Variants in IGSF10 observed in about 807,000 individuals in gnomAD.
The protein encoded by IGSF10 is calvaria mechanical force protein 608.
A neutral mutation model predicts 128.2 loss-of-function variants in IGSF10; 126 were observed. That is an observed-to-expected ratio of 0.98 (90% confidence interval 0.85 to 1.14). IGSF10 has a LOEUF of 1.14. Among genes scored for constraint, IGSF10 ranks in the 50% most tolerant of loss-of-function variants. The pLI is 0.00. For synonymous variants in IGSF10, 1,185 were observed against 1,146.2 expected (o/e 1.03, Z -0.68); for missense variants, 3,295 against 3,149.8 (o/e 1.05, Z -1.10).
In IGSF10 at chr3:151,449,246, T is replaced by G. The variant is rs780197057; in HGVS notation, c.735A>C (p.Lys245Asn). The part of the protein sequence containing the change: ...QEKPDVIKCK[K>N]DRSPSSAQQC... The stretch of plus-strand genomic sequence containing the variant: ...GCTGAGCACTAGAGGGACTTCTATC[T>G]TTTTTGCATTTTATTACATCTGGAA... The change falls in exon 6 of 8, where the codon AAA becomes AAC. Residue 245 changes from lysine to asparagine, a missense_variant. By Grantham distance (94) the Lys-to-Asn change is moderately conservative. Coordinates refer to ENST00000282466, the MANE Select transcript of IGSF10 (RefSeq NM_178822.5). 6.3e-6 allele frequency: 10 copies of G among 1,574,968 alleles called. No individual in the cohort carries two copies. The highest frequency in any genetic ancestry group is 8.6e-6 in the Non-Finnish European group (10 of 1,162,226).
chr3:151,485,034 T>A, the IGSF10 span, among the ~76,000 whole-genome samples: 1 of 152,128 alleles, frequency 6.6e-6, no homozygotes, highest in Non-Finnish European at 1.5e-5. Flanking sequence ...TCTAACCCAA[T>A]GCAAGGAAGC....
chr3:151,528,729 T>A, the IGSF10 span, among the ~76,000 whole-genome samples: 1 of 152,078 alleles, frequency 6.6e-6, no homozygotes, highest in Non-Finnish European at 1.5e-5. Flanking sequence ...CTGGTACCTA[T>A]GCCACCAGGG....
the IGSF10 span, among the ~76,000 whole-genome samples, chr3:151,528,800 GTT>G: frequency 0.3 from 43,111 of 146,030 alleles, 6,887 homozygotes; most frequent in Middle Eastern, 0.42. Context: ...AGCTGCAGGA[GTT>G]TTTTTTTTTT....
At chr3:151,543,503 T>C in the IGSF10 span, among the ~76,000 whole-genome samples, 81 of 152,282 alleles carry the variant, frequency 5.3e-4, 1 homozygote, top group Middle Eastern at 3.4e-3. Context: ...TGTTGTGCCA[T>C]GCCGTGCCAT....
the IGSF10 span, among the ~76,000 whole-genome samples, chr3:151,581,385 G>GC: frequency 1.3e-5 from 2 of 151,570 alleles, no homozygotes; most frequent in Non-Finnish European, 2.9e-5. Flanking sequence ...ACAAATTATA[G>GC]TTTTTTTTTA....
the IGSF10 span, among the ~76,000 whole-genome samples, chr3:151,505,551 G>A: frequency 7.9e-5 from 12 of 152,278 alleles, no homozygotes; most frequent in South Asian, 1.0e-3. Context: ...TTAGTTCCCC[G>A]AGAACGAAGT....
At chr3:151,495,496 A>G in the IGSF10 span, among the ~76,000 whole-genome samples, 1 of 152,166 alleles carries the variant, frequency 6.6e-6, no homozygotes, top group Non-Finnish European at 1.5e-5. Flanking sequence ...TAAAACACCA[A>G]TTCTACATTA....
At chr3:151,432,987 G>T, downstream of IGSF10, 1 of 535,562 alleles carries the variant, frequency 1.9e-6, no homozygotes, top group South Asian at 2.7e-5. Flanking sequence ...GAGAAGTTGT[G>T]GTTTGATTTT....
At chr3:151,521,817 T>A in the IGSF10 span, among the ~76,000 whole-genome samples, 1 of 150,732 alleles carries the variant, frequency 6.6e-6, no homozygotes, top group Admixed American at 6.6e-5. Context: ...GAAGAACAAA[T>A]CAATCCCAAA....
At chr3:151,526,046 C>A in the IGSF10 span, among the ~76,000 whole-genome samples, 3 of 152,164 alleles carry the variant, frequency 2.0e-5, no homozygotes, top group Admixed American at 2.0e-4. Context: ...TCTTGTTGCT[C>A]CAAGGCCCCT....
At chr3:151,617,665 G>A in the IGSF10 span, among the ~76,000 whole-genome samples, 10 of 152,026 alleles carry the variant, frequency 6.6e-5, no homozygotes, top group East Asian at 7.8e-4. Flanking sequence ...CTACTTGTAT[G>A]GGAGAAGAAT....
chr3:151,582,330 C>T, the IGSF10 span, among the ~76,000 whole-genome samples: 1 of 131,326 alleles, frequency 7.6e-6, no homozygotes, highest in African/African-American at 2.8e-5. Context: ...TAAGTGAAAA[C>T]CCATTTAACT....
At chr3:151,459,155 G>A (rs150783413) in intron 2 of IGSF10, among the ~76,000 whole-genome samples, 63 of 152,168 alleles carry the variant, frequency 4.1e-4, no homozygotes, top group Admixed American at 1.2e-3. Context: ...TAATTAAGCA[G>A]TAAAAAGGAA....
chr3:151,521,250 T>G, the IGSF10 span, among the ~76,000 whole-genome samples: 4 of 152,068 alleles, frequency 2.6e-5, no homozygotes, highest in Admixed American at 2.6e-4. Flanking sequence ...CAGAGAGACA[T>G]AGACTCCCAT....
At position 151,443,035 on chromosome 3, in the gene IGSF10, G is replaced by T; in HGVS notation, c.5912C>A (p.Pro1971His). The change falls in exon 7 of 8, where the codon CCC (proline) becomes CAC (histidine). Residue 1971 changes from proline (P) to histidine (H), a missense_variant. Physicochemically the swap from Pro to His is moderately conservative, Grantham distance 77 (BLOSUM62 -2). Transcript: ENST00000282466. ...LNCSATGEPK[P>H]QIMWRLPSKA... ...GGATGGTAACCTCCACATTATTTGG[G>T]GTTTGGGCTCCCCAGTGGCTGAGCA... The T allele has an allele frequency of 6.2e-7, 1 of 1,614,162 alleles. No homozygotes were observed. Among genetic ancestry groups the T allele is most frequent in the Non-Finnish European group, 8.5e-7 (1 of 1,180,032 alleles).
chr3:151,464,306 C>A (rs901639073), upstream of IGSF10, among the ~76,000 whole-genome samples: 8 of 152,124 alleles, frequency 5.3e-5, no homozygotes, highest in Non-Finnish European at 1.0e-4. Flanking sequence ...TTGGTAAATT[C>A]TCAGGCTTTG....
the IGSF10 span, among the ~76,000 whole-genome samples, chr3:151,481,353 C>G: frequency 1.2e-4 from 19 of 152,180 alleles, no homozygotes; most frequent in African/African-American, 4.1e-4. Flanking sequence ...AGGGTCCAAG[C>G]AACTGCAGCA....
chr3:151,462,054 C>T (rs1471939712), upstream of IGSF10, among the ~76,000 whole-genome samples: 3 of 152,056 alleles, frequency 2.0e-5, no homozygotes, highest in South Asian at 6.2e-4. Flanking sequence ...CCAACCCTAC[C>T]ATCTGGAGGC....
chr3:151,497,042 T>C, the IGSF10 span, among the ~76,000 whole-genome samples: 1 of 152,152 alleles, frequency 6.6e-6, no homozygotes, highest in Non-Finnish European at 1.5e-5. Flanking sequence ...TTCTTGTAAA[T>C]TTGTTTGAGT....
Sources: allele counts gnomAD v4.1 joint callset (sites outside exome capture counted in the v4.1 genomes callset), GRCh38; gene constraint gnomAD v4.1.1; transcripts MANE v1.5; gene names NCBI Gene and HGNC (gene_info 2026-07-23, HGNC 2026-07-21).